SCFD1: variants seen among roughly 807,000 people sequenced by gnomAD.
SCFD1 encodes sec1 family domain-containing protein 1.
In SCFD1, 37 loss-of-function variants were observed where a neutral mutation model predicts 103.2. That is an observed-to-expected ratio of 0.36 (90% CI 0.28 to 0.47). The LOEUF (loss-of-function observed/expected upper bound fraction) is 0.47, where lower values mean the gene tolerates loss of function less well. SCFD1 is among the 20% of genes least tolerant of loss of function. The pLI, the probability that SCFD1 is intolerant of heterozygous loss-of-function variation, is 1.00. For synonymous variants in SCFD1, 264 were observed against 245.0 expected, an observed-to-expected ratio of 1.08 and a Z score of -0.73; for missense variants, 639 against 761.2, an observed-to-expected ratio of 0.84 and a Z score of 1.89.
At chr14:30,644,122 T>C (rs1885569779) in intron 7 of SCFD1, 1 of 374,326 alleles carries the variant, frequency 2.7e-6, no homozygotes, top group Admixed American at 3.2e-5. Context: ...TTTCTGTTAA[T>C]TCCCTTAGAA....
intron 17 of SCFD1, among the ~76,000 whole-genome samples, chr14:30,705,134 A>G (rs549198531): frequency 6.6e-6 from 1 of 152,330 alleles, no homozygotes; most frequent in South Asian, 2.1e-4. Context: ...GTATGCAATT[A>G]AGTGTAAAAT....
At chr14:30,672,956 T>C (rs138310072) in intron 11 of SCFD1, among the ~76,000 whole-genome samples, 2,958 of 152,274 alleles carry the variant, frequency 0.019, 53 homozygotes, top group Middle Eastern at 0.034. Flanking sequence ...AATATTTTAC[T>C]TTTTCTTCTA....
At chr14:30,700,561 C>T (rs1225820973) in intron 16 of SCFD1, among the ~76,000 whole-genome samples, 2 of 152,152 alleles carry the variant, frequency 1.3e-5, no homozygotes, top group African/African-American at 4.8e-5. Context: ...GTAATCCCAG[C>T]TGCTGGGGAG....
In SCFD1 at chr14:30,719,349, G is replaced by T; in HGVS notation, c.1708G>T (p.Asp570Tyr). The T allele has an allele frequency of 6.2e-7, 1 of 1,605,504 alleles. No homozygotes were observed. The highest frequency in any genetic ancestry group is 1.7e-5 in the Admixed American group (1 of 58,264). ...NPETDDYRYF[D>Y]PKMLRGNDSS... ...GGAAACTGATGACTATAGATATTTT[G>T]ATCCCAAAATGCTGCGGGGCAATGA... Residue 570 changes from aspartate (D) to tyrosine (Y), a missense_variant, in exon 21 of 25, where the codon GAT becomes TAT. Coordinates refer to ENST00000458591, the MANE Select transcript of SCFD1 (RefSeq NM_016106.4).
intron 18 of SCFD1, among the ~76,000 whole-genome samples, chr14:30,706,620 A>T (rs1251619278): frequency 2.6e-5 from 4 of 152,158 alleles, no homozygotes; most frequent in Non-Finnish European, 5.9e-5. Context: ...AATGATAGGA[A>T]GTCCTCAGGG....
At position 30,622,741 on chromosome 14, in the gene SCFD1, G is replaced by A. The variant is rs142766864; in HGVS notation, c.61+342G>A. Among the ~76,000 whole-genome samples the A allele has an allele frequency of 1.3e-3, 195 of 152,240 alleles. 1 individual carries two copies. The highest frequency in any genetic ancestry group is 4.3e-3 in the African/African-American group (177 of 41,546). ...TGAGGTCTCCGAGTTTCTGTGCGTG[G>A]TTCAGTTCTCCTGGTTTTGATTTTT... On this transcript the variant is annotated intron_variant, in intron 1 of 24. Coordinates refer to ENST00000458591, the MANE Select transcript of SCFD1 (RefSeq NM_016106.4).
chr14:30,629,994 A>T (rs377500124), intron 2 of SCFD1, among the ~76,000 whole-genome samples: 1 of 152,288 alleles, frequency 6.6e-6, no homozygotes, highest in African/African-American at 2.4e-5. Flanking sequence ...TAATTTTTAC[A>T]TCTCTGTTTT....
intron 15 of SCFD1, among the ~76,000 whole-genome samples, chr14:30,697,877 C>T (rs1255875045): frequency 2.6e-5 from 4 of 152,166 alleles, no homozygotes; most frequent in Non-Finnish European, 5.9e-5. Context: ...CTGTATGTGG[C>T]ACATGATTCT....
intron 23 of SCFD1, among the ~76,000 whole-genome samples, chr14:30,733,451 C>T (rs1036354143): frequency 1.3e-5 from 2 of 152,156 alleles, no homozygotes; most frequent in Non-Finnish European, 2.9e-5. Flanking sequence ...TGGCTAAAAA[C>T]GATTAGAAAA....
intron 16 of SCFD1, 139 bp downstream of exon 16, chr14:30,700,397 G>C: frequency 1.5e-6 from 1 of 655,140 alleles, no homozygotes; most frequent in South Asian, 1.9e-5. Flanking sequence ...AAATGGCCAG[G>C]CGTGGTGACT....
chr14:30,657,020 G>T (rs1886968926), intron 10 of SCFD1, among the ~76,000 whole-genome samples: 1 of 151,986 alleles, frequency 6.6e-6, no homozygotes, highest in African/African-American at 2.4e-5. Context: ...GGTTGGTGGG[G>T]CCCTTACTGT....
intron 14 of SCFD1, among the ~76,000 whole-genome samples, chr14:30,683,996 TG>T (rs1345200581): frequency 6.6e-6 from 1 of 152,186 alleles, no homozygotes; most frequent in Non-Finnish European, 1.5e-5. Context: ...TAGCAGCAAA[TG>T]GAGTTCCAGA....
At chr14:30,624,252 C>T (rs1883154826) in intron 1 of SCFD1, among the ~76,000 whole-genome samples, 1 of 152,196 alleles carries the variant, frequency 6.6e-6, no homozygotes, top group South Asian at 2.1e-4. Flanking sequence ...TGTTGTTCTT[C>T]ATTGAATGCG....
chr14:30,671,032 G>C (rs911457029), intron 11 of SCFD1, among the ~76,000 whole-genome samples: 4 of 151,872 alleles, frequency 2.6e-5, no homozygotes, highest in African/African-American at 7.3e-5. Context: ...ATTCCTCAGA[G>C]AAAAAGAATA....
Position 30,639,982 on chromosome 14 carries a change from A to G in SCFD1, c.523+118A>G, listed in dbSNP as rs916254223. ...CCAGCTTGTTTACAGCAGTAGAGCT[A>G]TAGAAGCTTTTTAAAAGCACACAGA... is the stretch of plus-strand genomic sequence containing the variant. On this transcript the variant is annotated intron_variant, in intron 6 of 24. Coordinates refer to ENST00000458591, the MANE Select transcript of SCFD1 (RefSeq NM_016106.4). 1.5e-5 allele frequency: 18 copies of G among 1,185,618 alleles called. No individual in the cohort carries two copies. In the African/African-American group the frequency reaches 2.6e-4, roughly 17 times the overall value. 73.4% of individuals were successfully genotyped at this position (1,185,618 alleles called of 1,614,324 possible).
chr14:30,625,507 G>A (rs1325505686), intron 1 of SCFD1, among the ~76,000 whole-genome samples: 1 of 152,080 alleles, frequency 6.6e-6, no homozygotes, highest in Admixed American at 6.5e-5. Flanking sequence ...TAAAGTCATG[G>A]TTTAAGCCTT....
At chr14:30,717,526 G>A (rs1892361923) in intron 20 of SCFD1, among the ~76,000 whole-genome samples, 1 of 151,940 alleles carries the variant, frequency 6.6e-6, no homozygotes, top group African/African-American at 2.4e-5. Flanking sequence ...CCCTAATCTT[G>A]AAGTTGAGAT....
chr14:30,693,972 G>A (rs114773434), intron 14 of SCFD1, among the ~76,000 whole-genome samples: 2,211 of 152,036 alleles, frequency 0.015, 47 homozygotes, highest in African/African-American at 0.051. Flanking sequence ...TTTTCAATTA[G>A]GAAAGGTCTC....
At chr14:30,704,986 T>C (rs1290701682) in intron 17 of SCFD1, among the ~76,000 whole-genome samples, 1 of 152,212 alleles carries the variant, frequency 6.6e-6, no homozygotes, top group Non-Finnish European at 1.5e-5. Flanking sequence ...TTCTGGATTC[T>C]CTACAGTGAA....
Sources: gnomAD v4.1 joint callset for allele counts (sites outside exome capture counted in the v4.1 genomes callset) on GRCh38, gnomAD v4.1.1 for gene constraint, MANE v1.5 for transcripts, NCBI Gene and HGNC (gene_info 2026-07-23, HGNC 2026-07-21) for gene names.